Variants in TNFRSF21 observed in about 807,000 individuals in gnomAD.
The protein encoded by TNFRSF21 is TNF receptor superfamily member 21.
A neutral mutation model predicts 45.6 loss-of-function variants in TNFRSF21; 19 were observed. The observed-to-expected ratio is 0.42, with a 90% CI of 0.29 to 0.61. TNFRSF21 has a LOEUF of 0.61. Ranked by LOEUF, TNFRSF21 falls within the 20% of genes least tolerant of loss-of-function variation. The pLI is 0.23. For synonymous variants in TNFRSF21, 314 were observed against 335.5 expected (o/e 0.94, Z 0.70); for missense variants, 737 against 851.5 (o/e 0.87, Z 1.67).
chr6:47,309,573 C>T lies in TNFRSF21; in HGVS notation c.-62G>A. 1 of 1,386,520 alleles carries T rather than the reference C, an allele frequency of 7.2e-7. No individual in the cohort carries two copies. 85.9% of individuals were successfully genotyped at this position (1,386,520 alleles called of 1,614,324 possible). On this transcript the variant is annotated 5_prime_UTR_variant, in exon 1 of 6. Coordinates refer to ENST00000296861, the MANE Select transcript of TNFRSF21 (RefSeq NM_014452.5). ...GCGGGGCAGCTGGAATCGGCGGCTGCTTCTGCCCAGCGCCGCATCCACCGC... is the reference window on the plus strand; with the variant it reads ...GCGGGGCAGCTGGAATCGGCGGCTGTTTCTGCCCAGCGCCGCATCCACCGC...
chr6:47,283,952 T>C lies in TNFRSF21; in HGVS notation c.1229A>G (p.Tyr410Cys), dbSNP rs376341331. The C allele has an allele frequency of 2.0e-5, 33 of 1,613,522 alleles. No homozygotes were observed. In the South Asian group the frequency reaches 3.4e-4, roughly 17 times the overall value. ...PTQNREKWIYYCNGHGIDILK... is the reference protein window; with the variant it reads ...PTQNREKWIYCCNGHGIDILK... Reference sequence around the variant, plus strand: ...AGAAGGCTCACCATGGCCATTGCAGTAGTAGATCCATTTCTCCCGGTTCTG... The same window carrying C: ...AGAAGGCTCACCATGGCCATTGCAGCAGTAGATCCATTTCTCCCGGTTCTG... The change falls in exon 3 of 6, where the codon TAC becomes TGC. Residue 410 changes from tyrosine to cysteine, a missense_variant. By Grantham distance (194) the Tyr-to-Cys change is radical. Transcript: ENST00000296861.
At chr6:47,263,692 A>C (rs1223406877) in intron 3 of TNFRSF21, among the ~76,000 whole-genome samples, 3 of 152,224 alleles carry the variant, frequency 2.0e-5, no homozygotes, top group Non-Finnish European at 4.4e-5. Context: ...CATTAGAATC[A>C]TGTTGTCACA....
intron 4 of TNFRSF21, among the ~76,000 whole-genome samples, chr6:47,247,868 C>A (rs10080323): frequency 0.066 from 9,992 of 152,190 alleles, 417 homozygotes; most frequent in African/African-American, 0.12. Flanking sequence ...ATAATTAATT[C>A]TATTATATAG....
chr6:47,300,238 C>T (rs1582362581), intron 1 of TNFRSF21, among the ~76,000 whole-genome samples: 1 of 152,194 alleles, frequency 6.6e-6, no homozygotes. Flanking sequence ...CCACTGCTCC[C>T]CAAGCCTTCC....
intron 3 of TNFRSF21, among the ~76,000 whole-genome samples, chr6:47,267,523 A>AT (rs1266689524): frequency 1.3e-5 from 2 of 152,126 alleles, no homozygotes; most frequent in African/African-American, 2.4e-5. Flanking sequence ...TGACTCATAC[A>AT]TTTTGACCCT....
At chr6:47,295,521 A>C (rs976509743) in intron 1 of TNFRSF21, among the ~76,000 whole-genome samples, 2 of 152,228 alleles carry the variant, frequency 1.3e-5, no homozygotes, top group Non-Finnish European at 2.9e-5. Flanking sequence ...TAATGCAACC[A>C]AGTTATTCCT....
At chr6:47,291,354 GCTGT>G (rs1176061226) in intron 1 of TNFRSF21, among the ~76,000 whole-genome samples, 9 of 152,166 alleles carry the variant, frequency 5.9e-5, no homozygotes, top group Admixed American at 1.3e-4. Flanking sequence ...GAATCAAAAA[GCTGT>G]CTGCTTCAGA....
intron 3 of TNFRSF21, among the ~76,000 whole-genome samples, chr6:47,280,739 G>T (rs1019823866): frequency 1.3e-5 from 2 of 152,196 alleles, no homozygotes; most frequent in South Asian, 4.1e-4. Context: ...AACGTCTAAG[G>T]TCATTATATT....
At chr6:47,288,205 T>C (rs1183947994) in intron 1 of TNFRSF21, among the ~76,000 whole-genome samples, 1 of 152,266 alleles carries the variant, frequency 6.6e-6, no homozygotes, top group Non-Finnish European at 1.5e-5. Flanking sequence ...TAATGCATTA[T>C]ACAACAATGA....
chr6:47,267,956 T>C (rs1215675408), intron 3 of TNFRSF21, among the ~76,000 whole-genome samples: 1 of 152,176 alleles, frequency 6.6e-6, no homozygotes, highest in African/African-American at 2.4e-5. Context: ...CATGGGGTCC[T>C]AGAAAGGGAA....
intron 4 of TNFRSF21, among the ~76,000 whole-genome samples, chr6:47,244,642 C>G (rs570770517): frequency 1.4e-4 from 22 of 152,006 alleles, no homozygotes; most frequent in Non-Finnish European, 2.5e-4. Flanking sequence ...GGTGATAAGT[C>G]ATTTTAGTTG....
intron 3 of TNFRSF21, among the ~76,000 whole-genome samples, chr6:47,262,959 G>A (rs1765094564): frequency 6.6e-6 from 1 of 152,182 alleles, no homozygotes; most frequent in Admixed American, 6.5e-5. Context: ...CATTCCAGCT[G>A]TTGTGCCAAG....
intron 3 of TNFRSF21, among the ~76,000 whole-genome samples, chr6:47,259,985 C>T (rs1765048760): frequency 6.6e-6 from 1 of 152,168 alleles, no homozygotes; most frequent in African/African-American, 2.4e-5. Context: ...AACACCCCCT[C>T]TTATCTGGTA....
intron 4 of TNFRSF21, among the ~76,000 whole-genome samples, chr6:47,250,274 T>C (rs1339162136): frequency 6.6e-6 from 1 of 152,152 alleles, no homozygotes; most frequent in Admixed American, 6.6e-5. Context: ...TTTGGTAAAA[T>C]TGCAATAACT....
intron 4 of TNFRSF21, among the ~76,000 whole-genome samples, chr6:47,245,421 A>C (rs1764808635): frequency 6.7e-6 from 1 of 148,918 alleles, no homozygotes; most frequent in Non-Finnish European, 1.5e-5. Flanking sequence ...GGCAATACTA[A>C]GAAGAAGTGT....
Position 47,253,371 on chromosome 6 carries a change from T to G in TNFRSF21, c.1394A>C (p.His465Pro). 1 of 1,614,120 alleles carries G rather than the reference T, an allele frequency of 6.2e-7. No individual in the cohort carries two copies. The change falls in exon 4 of 6, where the codon CAC becomes CCC. Residue 465 changes from histidine to proline, a missense_variant. Transcript: ENST00000296861. ...GGCCTCGGGGCCCCGGATGGTCCAG[T>G]GCTGCAGAGCTGCGTAGGCCCGCTC... Reference protein sequence around the residue: ...DHERAYAALQHWTIRGPEASL... With the variant: ...DHERAYAALQPWTIRGPEASL...
At chr6:47,308,735 C>T (rs1397063900) in intron 1 of TNFRSF21, among the ~76,000 whole-genome samples, 1 of 151,928 alleles carries the variant, frequency 6.6e-6, no homozygotes, top group African/African-American at 2.4e-5. Flanking sequence ...CGCTGGCTGG[C>T]TGGAAGCCGG....
intron 1 of TNFRSF21, among the ~76,000 whole-genome samples, chr6:47,297,202 C>T (rs560901069): frequency 2.0e-5 from 3 of 152,258 alleles, no homozygotes; most frequent in South Asian, 2.1e-4. Context: ...TAGAAAAACA[C>T]GTTGGTTTTT....
chr6:47,244,118 GAGAC>G (rs1764789181), intron 4 of TNFRSF21, among the ~76,000 whole-genome samples: 1 of 152,238 alleles, frequency 6.6e-6, no homozygotes, highest in South Asian at 2.1e-4. Context: ...TCAGGAGATA[GAGAC>G]CATCCTGGCT....
Sources: gnomAD v4.1 joint callset for allele counts (sites outside exome capture counted in the v4.1 genomes callset) on GRCh38, gnomAD v4.1.1 for gene constraint, MANE v1.5 for transcripts, NCBI Gene and HGNC (gene_info 2026-07-23, HGNC 2026-07-21) for gene names.